TP53I11: variants seen among roughly 807,000 people sequenced by gnomAD.
The protein encoded by TP53I11 is tumor protein p53 inducible protein 11, also known as tumor protein p53-inducible protein 11.
Under a neutral mutation model 23.3 loss-of-function variants are expected in TP53I11, and 9 were observed. The ratio of observed to expected loss-of-function variants is 0.39; its 90% confidence interval spans 0.23 to 0.67. The LOEUF (loss-of-function observed/expected upper bound fraction) is 0.67, where lower values mean the gene tolerates loss of function less well. Ranked by LOEUF, TP53I11 falls within the 30% of genes least tolerant of loss-of-function variation. The pLI is 0.48. For missense variants in TP53I11, 170 were observed against 255.2 expected, an observed-to-expected ratio of 0.67 and a Z score of 2.27; for synonymous variants, 100 against 106.1, an observed-to-expected ratio of 0.94 and a Z score of 0.35.
Position 44,934,846 on chromosome 11 carries a change from G to A in TP53I11, c.*38C>T, listed in dbSNP as rs779470995. The A allele has an allele frequency of 3.1e-6, 5 of 1,612,636 alleles. No homozygotes were observed. In the South Asian group the frequency reaches 5.5e-5, roughly 18 times the overall value. ...GAAGCCGAGGCCCCAGCGCCACTCT[G>A]GCCCAGGCATGGGCAGGGCCCCAGG... is the stretch of plus-strand genomic sequence containing the variant. On this transcript the variant is annotated 3_prime_UTR_variant, in exon 7 of 7. Coordinates refer to ENST00000525680, the MANE Select transcript of TP53I11 (RefSeq NM_006034.5).
At chr11:44,948,459 T>A (rs914849395) in intron 1 of TP53I11, among the ~76,000 whole-genome samples, 1 of 152,040 alleles carries the variant, frequency 6.6e-6, no homozygotes, top group African/African-American at 2.4e-5. Flanking sequence ...CAGGGAGACC[T>A]CCCTGACACC....
At chr11:44,937,846 T>C (rs1861329446) in intron 2 of TP53I11, among the ~76,000 whole-genome samples, 1 of 152,240 alleles carries the variant, frequency 6.6e-6, no homozygotes, top group Non-Finnish European at 1.5e-5. Context: ...AGCTCAGGGC[T>C]CTGCCAAATG....
At position 44,938,190 on chromosome 11, in the gene TP53I11, C is replaced by T. The variant is rs749068245; in HGVS notation, c.129+17G>A. The T allele has an allele frequency of 6.2e-7, 1 of 1,609,436 alleles. No homozygotes were observed. The highest frequency in any genetic ancestry group is 8.5e-7 in the Non-Finnish European group (1 of 1,178,482). ...GCCTCCCCAGTGGGTGCCGGAGGCC[C>T]CTGCTCTGCACCCCACCTTGGAGCG... On this transcript the variant is annotated intron_variant, in intron 2 of 6. Coordinates refer to ENST00000525680, the MANE Select transcript of TP53I11 (RefSeq NM_006034.5).
chr11:44,936,495 C>T lies in TP53I11; in HGVS notation c.334+308G>A, dbSNP rs2135424941. 3.2e-6 allele frequency: 4 copies of T among 1,240,998 alleles called. No homozygotes were observed. The highest frequency in any genetic ancestry group is 3.1e-5 in the African/African-American group (2 of 64,588). 76.9% of individuals were successfully genotyped at this position (1,240,998 alleles called of 1,614,324 possible). ...CTGCCTCTCCTCTAGGCTGTGAATT[C>T]CTAGAGGCTGGGCCTGGGCTTCCTC... On this transcript the variant is annotated intron_variant, in intron 5 of 6. Coordinates refer to ENST00000525680, the MANE Select transcript of TP53I11 (RefSeq NM_006034.5). This position sits in a 1 kb window ranked among gnomAD's most constrained non-coding sequence, Gnocchi z 4.4.
Position 44,935,677 on chromosome 11 carries a change from G to C in TP53I11, c.335-15C>G. 2.8e-5 allele frequency: 16 copies of C among 575,190 alleles called. No individual in the cohort carries two copies. Among genetic ancestry groups the C allele is most frequent in the Non-Finnish European group, 4.7e-5 (15 of 318,052 alleles). 35.6% of individuals were successfully genotyped at this position (575,190 alleles called of 1,614,324 possible). ...CAGGGAGATGCCTGGGGCGGGGGAT[G>C]AAAAGGGGGCTGGGGGTGGGACAGC... On this transcript the variant is annotated splice_polypyrimidine_tract_variant and intron_variant, in intron 5 of 6. Transcript: ENST00000525680.
chr11:44,942,161 T>C (rs1255580872), intron 1 of TP53I11, among the ~76,000 whole-genome samples: 47 of 27,802 alleles, frequency 1.7e-3, no homozygotes, highest in Admixed American at 2.9e-3. Context: ...ACACCCACCA[T>C]ACACAATGCA....
intron 6 of TP53I11, 73 bp from the exon 7 acceptor site, chr11:44,935,090 G>A (rs1860937319): frequency 6.3e-7 from 1 of 1,592,792 alleles, no homozygotes; most frequent in African/African-American, 1.3e-5. Context: ...CCCTAGCCCG[G>A]AGCGCTGGTG....
intron 6 of TP53I11, among the ~76,000 whole-genome samples, chr11:44,935,271 G>A (rs1860961744): frequency 6.6e-6 from 1 of 151,216 alleles, no homozygotes; most frequent in South Asian, 2.1e-4. Flanking sequence ...TTACACACGT[G>A]CTGGGTACAG....
chr11:44,937,662 C>T (rs2279363), intron 2 of TP53I11, 49 bp from the exon 3 acceptor site: 708,651 of 1,583,530 alleles, frequency 0.45, 162,348 homozygotes, highest in East Asian at 0.7. Context: ...CAGCTCTCAG[C>T]GCCCCCACTC....
At position 44,935,450 on chromosome 11, in the gene TP53I11, G is replaced by GC. The variant is rs34798859; in HGVS notation, c.436+110dup. The GC allele has an allele frequency of 3.3e-3, 3,172 of 963,212 alleles. 68 individuals carry two copies. The African/African-American group carries it at 0.045, about 14-fold the overall frequency. The allele number at this position is 963,212 out of a possible 1,614,324, so 59.7% of individuals were successfully genotyped here. A position where few individuals can be genotyped will look rare whatever the true frequency, so the allele number is the denominator to read the frequency against. On this transcript the variant is annotated intron_variant, in intron 6 of 6. Transcript: ENST00000525680. ...TCCTTATCCCTCTATCCCCTCCCTA[G>GC]CCCCCCACAGACAGGTTTTCATCAC...
intron 1 of TP53I11, among the ~76,000 whole-genome samples, chr11:44,942,194 C>A (rs1456128111): frequency 1.4e-5 from 2 of 145,766 alleles, no homozygotes; most frequent in Non-Finnish European, 3.0e-5. Flanking sequence ...ACACACACCA[C>A]ACATACCCAC....
chr11:44,945,468 T>C (rs1200287228), intron 1 of TP53I11, among the ~76,000 whole-genome samples: 1 of 151,774 alleles, frequency 6.6e-6, no homozygotes, highest in Non-Finnish European at 1.5e-5. Flanking sequence ...AGCTGATGTG[T>C]GTGTGCAATG....
intron 4 of TP53I11, 153 bp from the exon 5 acceptor site, chr11:44,937,052 C>A: frequency 1.4e-6 from 1 of 735,218 alleles, no homozygotes; most frequent in Non-Finnish European, 2.2e-6. Flanking sequence ...CCCCACCCGC[C>A]CCCATGCCAG....
At chr11:44,935,087 C>G in intron 6 of TP53I11, 70 bp from the exon 7 acceptor site, 1 of 1,596,960 alleles carries the variant, frequency 6.3e-7, no homozygotes, top group Non-Finnish European at 8.5e-7. Flanking sequence ...CCCCCCTAGC[C>G]CGGAGCGCTG....
At chr11:44,946,093 C>T (rs1862367374) in intron 1 of TP53I11, among the ~76,000 whole-genome samples, 2 of 152,206 alleles carry the variant, frequency 1.3e-5, no homozygotes, top group African/African-American at 4.8e-5. Flanking sequence ...GCCTCCCTTC[C>T]TTCCACCGTA....
chr11:44,942,402 CCACA>C (rs1203178122), intron 1 of TP53I11, among the ~76,000 whole-genome samples: 2 of 146,594 alleles, frequency 1.4e-5, no homozygotes, highest in Non-Finnish European at 3.0e-5. Context: ...ACCACAAACA[CCACA>C]CACACACCAC....
chr11:44,944,485 AT>A (rs1862198666), intron 1 of TP53I11, among the ~76,000 whole-genome samples: 1 of 152,180 alleles, frequency 6.6e-6, no homozygotes, highest in African/African-American at 2.4e-5. Context: ...GCACCTCCAC[AT>A]GCTTCCCAGG....
intron 1 of TP53I11, among the ~76,000 whole-genome samples, chr11:44,945,082 T>C (rs1862260094): frequency 1.3e-5 from 2 of 152,076 alleles, no homozygotes; most frequent in South Asian, 2.1e-4. Context: ...GCCCAGAACA[T>C]CCATCAGTGG....
chr11:44,946,142 G>T (rs1302218499), intron 1 of TP53I11, among the ~76,000 whole-genome samples: 1 of 152,168 alleles, frequency 6.6e-6, no homozygotes, highest in African/African-American at 2.4e-5. Flanking sequence ...GCTGTCCGGG[G>T]GCTAGAGAGA....
Sources: allele counts gnomAD v4.1 joint callset (sites outside exome capture counted in the v4.1 genomes callset), GRCh38; gene constraint gnomAD v4.1.1; non-coding constraint Gnocchi (gnomAD v3.1); transcripts MANE v1.5; gene names NCBI Gene and HGNC (gene_info 2026-07-23, HGNC 2026-07-21).